PGM3: variants seen among roughly 807,000 people sequenced by gnomAD.
The protein encoded by PGM3 is phosphoglucomutase 3, also known as phosphoacetylglucosamine mutase.
Under a neutral mutation model 66.2 loss-of-function variants are expected in PGM3, and 40 were observed. The observed-to-expected ratio is 0.60, with a 90% confidence interval of 0.47 to 0.79. The LOEUF is 0.79. Ranked by LOEUF, PGM3 falls within the 30% of genes least tolerant of loss-of-function variation. PGM3 has a pLI of 0.00. For synonymous variants in PGM3, 191 were observed against 224.2 expected (o/e 0.85, Z 1.32); for missense variants, 537 against 643.4 (o/e 0.83, Z 1.79).
chr6:83,156,333 A>G (rs770848506), downstream of PGM3, among the ~76,000 whole-genome samples: 1 of 152,164 alleles, frequency 6.6e-6, no homozygotes, highest in Non-Finnish European at 1.5e-5. Flanking sequence ...GTTTAGTTCA[A>G]ATTTCTTAGG....
chr6:83,158,276 C>T (rs1783313679), downstream of PGM3, among the ~76,000 whole-genome samples: 1 of 152,156 alleles, frequency 6.6e-6, no homozygotes, highest in Admixed American at 6.5e-5. Context: ...GCTGGGATTA[C>T]AGGTGTGAGC....
downstream of PGM3, chr6:83,157,371 T>A: frequency 1.3e-6 from 2 of 1,566,504 alleles, no homozygotes; most frequent in Non-Finnish European, 1.8e-6. Flanking sequence ...AAAACAGTGA[T>A]TAGTTTCCAT....
downstream of PGM3, chr6:83,156,208 A>C (rs1459752949): frequency 1.1e-6 from 1 of 877,128 alleles, no homozygotes; most frequent in African/African-American, 1.7e-5. Flanking sequence ...TCAAGTGTAG[A>C]TCAATCGGGA....
chr6:83,149,357 TCTTG>T, the PGM3 span, among the ~76,000 whole-genome samples: 3 of 152,332 alleles, frequency 2.0e-5, no homozygotes, highest in East Asian at 1.9e-4. Flanking sequence ...AGTCTCTCTT[TCTTG>T]CTTGCCATTA....
At chr6:83,162,786 A>C (rs1784541786), downstream of PGM3, 2 of 1,610,744 alleles carry the variant, frequency 1.2e-6, no homozygotes, top group African/African-American at 1.3e-5. Flanking sequence ...TATTCTATAC[A>C]TAGGTACCGA....
At position 83,166,763 on chromosome 6, in the gene PGM3, G is replaced by A. The variant is rs1392383215; in HGVS notation, c.*2471C>T. On this transcript the variant is annotated 3_prime_UTR_variant, in exon 13 of 13. Transcript: ENST00000513973. ...CATAGAAGAAAATAAGCTGGATTTT[G>A]CATCTGCTTGACCCACTAGGAAACT... 1.6e-5 allele frequency: 18 copies of A among 1,096,134 alleles called. No individual in the cohort carries two copies. The highest frequency in any genetic ancestry group is 1.6e-5 in the Non-Finnish European group (14 of 902,590). The allele number at this position is 1,096,134 out of a possible 1,614,324, so 67.9% of individuals were successfully genotyped here. A position where few individuals can be genotyped will look rare whatever the true frequency, so the allele number is the denominator to read the frequency against.
Position 83,167,015 on chromosome 6 carries a change from G to T in PGM3, c.*2219C>A. ...GTTCTCTCTTATCTTTCTCTAGACAGAATGATGTCTGTAGCTGTGTTTGTG... is the reference window on the plus strand; with the variant it reads ...GTTCTCTCTTATCTTTCTCTAGACATAATGATGTCTGTAGCTGTGTTTGTG... On this transcript the variant is annotated 3_prime_UTR_variant, in exon 13 of 13. Transcript: ENST00000513973. 1.1e-5 allele frequency: 11 copies of T among 985,406 alleles called. No individual in the cohort carries two copies. Among genetic ancestry groups the T allele is most frequent in the Non-Finnish European group, 1.3e-5 (11 of 829,894 alleles). The allele number at this position is 985,406 out of a possible 1,614,324, so 61.0% of individuals were successfully genotyped here.
Position 83,167,789 on chromosome 6 carries a change from ATAT to A in PGM3, c.*1442_*1444del. 1 of 1,476,884 alleles carries A rather than the reference ATAT, an allele frequency of 6.8e-7. No homozygotes were observed. Among genetic ancestry groups the A allele is most frequent in the Non-Finnish European group, 9.0e-7 (1 of 1,115,264 alleles). The allele number at this position is 1,476,884 out of a possible 1,614,324, so 91.5% of individuals were successfully genotyped here. A position where few individuals can be genotyped will look rare whatever the true frequency, so the allele number is the denominator to read the frequency against. On this transcript the variant is annotated 3_prime_UTR_variant, in exon 13 of 13. Transcript: ENST00000513973. Reference sequence around the variant, plus strand: ...ATTTCTTGACCAATTGCCAAAGTTTATATATTTTTAATTTTTCTAACATACCAC... The same window carrying A: ...ATTTCTTGACCAATTGCCAAAGTTTAATTTTTAATTTTTCTAACATACCAC...
rs1188446494 is a variant in PGM3, at chr6:83,165,160, G to C, written c.*4074C>G. 1.9e-5 allele frequency: 3 copies of C among 155,396 alleles called. No individual in the cohort carries two copies. Among genetic ancestry groups the C allele is most frequent in the Non-Finnish European group, 2.8e-5 (2 of 70,266 alleles). 9.6% of individuals were successfully genotyped at this position (155,396 alleles called of 1,614,324 possible). ...AATTGCAGTTTGATTTAGGGGATTA[G>C]AGGTGGTATGGTACCAGTAATTGAG... On this transcript the variant is annotated 3_prime_UTR_variant, in exon 13 of 13. Transcript: ENST00000513973.
chr6:83,187,502 T>C (rs1788669104), intron 3 of PGM3, among the ~76,000 whole-genome samples: 1 of 152,174 alleles, frequency 6.6e-6, no homozygotes, highest in Admixed American at 6.5e-5. Context: ...ATTATCTATC[T>C]GAAAATAAAA....
In PGM3 at chr6:83,167,837, C is replaced by G. The variant is rs756579208; in HGVS notation, c.*1397G>C. On this transcript the variant is annotated 3_prime_UTR_variant, in exon 13 of 13. Transcript: ENST00000513973. Reference sequence around the variant, plus strand: ...TACCACATTGTCTGTTGTATTAATACCAGTTCACTTTTTGTTTTCTGCAGA... The same window carrying G: ...TACCACATTGTCTGTTGTATTAATAGCAGTTCACTTTTTGTTTTCTGCAGA... The G allele has an allele frequency of 1.4e-5, 23 of 1,586,516 alleles. No individual in the cohort carries two copies. Among genetic ancestry groups the G allele is most frequent in the Non-Finnish European group, 1.9e-5 (22 of 1,166,100 alleles).
chr6:83,166,780 T>G lies in PGM3; in HGVS notation c.*2454A>C. On this transcript the variant is annotated 3_prime_UTR_variant, in exon 13 of 13. Transcript: ENST00000513973. ...TGGATTTTGCATCTGCTTGACCCAC[T>G]AGGAAACTAGTGATATTAAATTATT... The G allele has an allele frequency of 9.4e-7, 1 of 1,067,568 alleles. No homozygotes were observed. The highest frequency in any genetic ancestry group is 1.1e-6 in the Non-Finnish European group (1 of 884,298). The allele number at this position is 1,067,568 out of a possible 1,614,324, so 66.1% of individuals were successfully genotyped here. A position where few individuals can be genotyped will look rare whatever the true frequency, so the allele number is the denominator to read the frequency against.
chr6:83,185,904 G>A (rs1299910054), intron 4 of PGM3, among the ~76,000 whole-genome samples: 1 of 152,130 alleles, frequency 6.6e-6, no homozygotes, highest in South Asian at 2.1e-4. Context: ...GACAGAAGAG[G>A]AGCCAACAGA....
downstream of PGM3, among the ~76,000 whole-genome samples, chr6:83,160,870 T>G (rs1001770711): frequency 6.6e-6 from 1 of 152,076 alleles, no homozygotes; most frequent in Admixed American, 6.6e-5. Context: ...TGCTCCAAAA[T>G]TTGCTATTTT....
Position 83,174,438 on chromosome 6 carries a change from T to A in PGM3, c.1178A>T (p.Gln393Leu). 6.2e-7 allele frequency: 1 copy of A among 1,608,772 alleles called. No individual in the cohort carries two copies. Among genetic ancestry groups the A allele is most frequent in the Non-Finnish European group, 8.5e-7 (1 of 1,177,102 alleles). Residue 393 changes from glutamine to leucine, a missense_variant, in exon 10 of 13, where the codon CAA (glutamine) becomes CTA (leucine). Gln to Leu is a moderately radical substitution (Grantham distance 113). Coordinates refer to ENST00000513973, the MANE Select transcript of PGM3 (RefSeq NM_015599.3). Reference sequence around the variant, plus strand: ...AGCTTTTCTTTTCTTATCTTCCAGTTGTTCTGCTGATTGTTTTATCTTCAT... The same window carrying A: ...AGCTTTTCTTTTCTTATCTTCCAGTAGTTCTGCTGATTGTTTTATCTTCAT... ...VEMKIKQSAEQLEDKKRKAAK... is the reference protein window; with the variant it reads ...VEMKIKQSAELLEDKKRKAAK...
chr6:83,154,645 T>C, the PGM3 span, among the ~76,000 whole-genome samples: 1 of 152,136 alleles, frequency 6.6e-6, no homozygotes, highest in Non-Finnish European at 1.5e-5. Flanking sequence ...GAATCCAGCC[T>C]ATCAGACAAG....
the PGM3 span, among the ~76,000 whole-genome samples, chr6:83,154,751 C>T: frequency 1.3e-5 from 2 of 151,764 alleles, no homozygotes; most frequent in Non-Finnish European, 2.9e-5. Flanking sequence ...TCTTTCTACT[C>T]TTGATTGTTT....
At chr6:83,192,931 C>G (rs1185634638) in intron 1 of PGM3, among the ~76,000 whole-genome samples, 1 of 152,192 alleles carries the variant, frequency 6.6e-6, no homozygotes, top group African/African-American at 2.4e-5. Context: ...CCCGGCACTC[C>G]ACCCTGAGGT....
intron 4 of PGM3, among the ~76,000 whole-genome samples, chr6:83,185,179 CCACT>C (rs1329080640): frequency 2.6e-5 from 4 of 152,186 alleles, no homozygotes; most frequent in Admixed American, 6.5e-5. Context: ...AGGGAAGACA[CCACT>C]CAGACCAATG....
Sources: gnomAD v4.1 joint callset for allele counts (sites outside exome capture counted in the v4.1 genomes callset) on GRCh38, gnomAD v4.1.1 for gene constraint, MANE v1.5 for transcripts, NCBI Gene and HGNC (gene_info 2026-07-23, HGNC 2026-07-21) for gene names.